PANX1: variants seen among roughly 807,000 people sequenced by gnomAD.
PANX1 encodes pannexin-1.
Under a neutral mutation model 38.7 loss-of-function variants are expected in PANX1, and 30 were observed. The observed-to-expected ratio is 0.78, with a 90% CI of 0.58 to 1.05. The LOEUF is 1.05. PANX1 is among the 50% of genes least tolerant of loss of function. PANX1 has a pLI of 0.00. For synonymous variants in PANX1, 230 were observed against 212.2 expected (o/e 1.08, Z -0.73); for missense variants, 551 against 517.2 (o/e 1.07, Z -0.63).
At chr11:94,160,866 T>A (rs1160324916) in intron 2 of PANX1, among the ~76,000 whole-genome samples, 2 of 152,222 alleles carry the variant, frequency 1.3e-5, no homozygotes, top group Non-Finnish European at 2.9e-5. Context: ...CTGGTACCAT[T>A]TGTTCCTTTC....
chr11:94,171,781 C>T (rs1482216686), intron 2 of PANX1, among the ~76,000 whole-genome samples: 1 of 151,210 alleles, frequency 6.6e-6, no homozygotes, highest in Admixed American at 6.6e-5. Flanking sequence ...CCCTTTCTCT[C>T]CCACTCCATG....
rs575385223 is a variant in PANX1 at position 94,177,364 on chromosome 11, T to G, written c.322-1005T>G. Among the ~76,000 whole-genome samples the G allele has an allele frequency of 2.0e-5, 3 of 151,550 alleles. No individual in the cohort carries two copies. The South Asian group carries it at 6.3e-4, about 32-fold the overall frequency. On this transcript the variant is annotated intron_variant, in intron 2 of 4. Transcript: ENST00000227638. ...AATACTCTTATGTCTTATTGCTGAT[T>G]AGAAGATCACGCAAAAGGATAGTCG...
At chr11:94,147,138 G>A (rs2134486875) in intron 1 of PANX1, among the ~76,000 whole-genome samples, 1 of 152,226 alleles carries the variant, frequency 6.6e-6, no homozygotes, top group Non-Finnish European at 1.5e-5. Context: ...TGGTAGGTCT[G>A]AAAAAATTTT....
intron 1 of PANX1, among the ~76,000 whole-genome samples, chr11:94,151,648 G>A (rs538900866): frequency 7.2e-5 from 11 of 152,306 alleles, no homozygotes; most frequent in East Asian, 1.9e-4. Context: ...TGCGGGAACC[G>A]TGTGAGCTTA....
chr11:94,180,703 G>T, intron 4 of PANX1, 87 bp from the exon 5 acceptor site: 1 of 755,638 alleles, frequency 1.3e-6, no homozygotes, highest in Non-Finnish European at 2.4e-6. Flanking sequence ...TAGACTGTGA[G>T]AGGAATTTTT....
At chr11:94,162,807 G>A (rs1245598475) in intron 2 of PANX1, among the ~76,000 whole-genome samples, 4 of 151,278 alleles carry the variant, frequency 2.6e-5, no homozygotes, top group East Asian at 3.9e-4. Flanking sequence ...CTTCTGCGTC[G>A]CTCACACTGG....
intron 2 of PANX1, among the ~76,000 whole-genome samples, chr11:94,156,803 G>A (rs1946953831): frequency 6.7e-6 from 1 of 149,440 alleles, no homozygotes; most frequent in African/African-American, 2.5e-5. Flanking sequence ...GTATACTTGT[G>A]CCATGTTGGT....
intron 2 of PANX1, among the ~76,000 whole-genome samples, chr11:94,153,946 T>G (rs560600952): frequency 6.6e-6 from 1 of 152,312 alleles, no homozygotes; most frequent in East Asian, 1.9e-4. Context: ...CTTAGTACAT[T>G]TTGAGTGTCT....
Position 94,178,575 on chromosome 11 carries a change from C to A in PANX1, c.528C>A (p.Thr176=). ...GAGCCTGCTCAGTTCCAGGTGTTAC[C>A]GAGAACTTAGGGCAAAGGTAACTTA... ...RDGACSVPGV[T]ENLGQSLWEV... is the part of the protein sequence containing the mutation. The change falls in exon 3 of 5, where the codon ACC becomes ACA. Residue 176 remains threonine, a synonymous_variant. Coordinates refer to ENST00000227638, the MANE Select transcript of PANX1 (RefSeq NM_015368.4). 6.2e-7 allele frequency: 1 copy of A among 1,613,670 alleles called. No individual in the cohort carries two copies. Among genetic ancestry groups the A allele is most frequent in the East Asian group, 2.2e-5 (1 of 44,854 alleles).
intron 1 of PANX1, among the ~76,000 whole-genome samples, chr11:94,134,178 T>C (rs1406686460): frequency 6.6e-6 from 1 of 152,228 alleles, no homozygotes; most frequent in African/African-American, 2.4e-5. Flanking sequence ...AATGGTGTAC[T>C]GTGGAAGAAG....
At chr11:94,169,400 G>C (rs929887092) in intron 2 of PANX1, among the ~76,000 whole-genome samples, 2 of 151,684 alleles carry the variant, frequency 1.3e-5, no homozygotes, top group Admixed American at 6.5e-5. Context: ...AGTAAGGTGA[G>C]GACTGAGACT....
chr11:94,180,677 G>T, intron 4 of PANX1, 113 bp from the exon 5 acceptor site: 1 of 620,014 alleles, frequency 1.6e-6, no homozygotes, highest in Non-Finnish European at 2.9e-6. Context: ...GTTAGGCCAA[G>T]AAGCAAAACA....
chr11:94,157,425 C>T (rs1344984886), intron 2 of PANX1, among the ~76,000 whole-genome samples: 1 of 152,154 alleles, frequency 6.6e-6, no homozygotes, highest in African/African-American at 2.4e-5. Context: ...TAATGATCGC[C>T]ATTCTAACTG....
chr11:94,179,739 G>A lies in PANX1; in HGVS notation c.683G>A (p.Cys228Tyr), dbSNP rs1307548858. 1.9e-6 allele frequency: 3 copies of A among 1,614,084 alleles called. No homozygotes were observed. The highest frequency in any genetic ancestry group is 2.5e-6 in the Non-Finnish European group (3 of 1,180,004). Residue 228 changes from cysteine to tyrosine, a missense_variant, in exon 4 of 5, where the codon TGT becomes TAT. Transcript: ENST00000227638. ...LLTLIIILLA[C>Y]IYLGYYFSLS... ...ACACTCATCATTATACTGTTAGCGT[G>A]TATCTACCTGGGCTATTACTTCAGC...
intron 1 of PANX1, among the ~76,000 whole-genome samples, chr11:94,145,188 CTTTG>C (rs1430419216): frequency 6.6e-6 from 1 of 152,180 alleles, no homozygotes; most frequent in Non-Finnish European, 1.5e-5. Context: ...TTCCCCTTGG[CTTTG>C]TTTGACCATG....
chr11:94,158,196 A>T (rs997586444), intron 2 of PANX1, among the ~76,000 whole-genome samples: 25 of 152,110 alleles, frequency 1.6e-4, no homozygotes, highest in African/African-American at 4.8e-4. Flanking sequence ...CCTCCAGCTT[A>T]GTTCTTTTGG....
At chr11:94,146,078 A>C (rs1240638671) in intron 1 of PANX1, among the ~76,000 whole-genome samples, 1 of 152,238 alleles carries the variant, frequency 6.6e-6, no homozygotes, top group East Asian at 1.9e-4. Flanking sequence ...GGCCAGTTGC[A>C]GAGTGGAAAC....
intron 2 of PANX1, among the ~76,000 whole-genome samples, chr11:94,155,692 C>T (rs1193500056): frequency 6.6e-6 from 1 of 151,990 alleles, no homozygotes; most frequent in Non-Finnish European, 1.5e-5. Flanking sequence ...GTATCAGGAG[C>T]GGTAGAGGCA....
chr11:94,133,831 C>T (rs1946657228), intron 1 of PANX1, among the ~76,000 whole-genome samples: 1 of 152,182 alleles, frequency 6.6e-6, no homozygotes, highest in South Asian at 2.1e-4. Context: ...TCAACAAGTG[C>T]TCCATAGGAA....
Sources: allele counts gnomAD v4.1 joint callset (sites outside exome capture counted in the v4.1 genomes callset), GRCh38; gene constraint gnomAD v4.1.1; transcripts MANE v1.5; gene names NCBI Gene and HGNC (gene_info 2026-07-23, HGNC 2026-07-21).